Variants in SQOR observed in about 807,000 individuals in gnomAD.
SQOR encodes sulfide quinone oxidoreductase, also known as sulfide:quinone oxidoreductase, mitochondrial.
Under a neutral mutation model 48.6 loss-of-function variants are expected in SQOR, and 39 were observed. The ratio of observed to expected loss-of-function variants is 0.80; its 90% CI spans 0.62 to 1.05. The LOEUF is 1.05. SQOR is among the 50% of genes least tolerant of loss of function. The pLI is 0.00. For missense variants in SQOR, 561 were observed against 559.9 expected (o/e 1.00, Z -0.02); for synonymous variants, 220 against 206.2 (o/e 1.07, Z -0.57).
intron 1 of SQOR, among the ~76,000 whole-genome samples, chr15:45,641,843 A>G (rs1441739066): frequency 1.3e-5 from 2 of 152,196 alleles, no homozygotes; most frequent in African/African-American, 4.8e-5. Flanking sequence ...AAGTGGATAT[A>G]ATGTCATCGT....
chr15:45,658,235 T>C (rs943786625), intron 1 of SQOR, among the ~76,000 whole-genome samples: 8 of 152,172 alleles, frequency 5.3e-5, no homozygotes, highest in Non-Finnish European at 8.8e-5. Context: ...CTTTCTAAAA[T>C]CGTTTGGTTG....
intron 6 of SQOR, among the ~76,000 whole-genome samples, chr15:45,679,090 A>G (rs1321603400): frequency 6.6e-6 from 1 of 152,196 alleles, no homozygotes; most frequent in Non-Finnish European, 1.5e-5. Flanking sequence ...GGTTGTAGGT[A>G]GGGGTGTGGA....
At chr15:45,644,131 A>C (rs1290975137) in intron 1 of SQOR, among the ~76,000 whole-genome samples, 1 of 151,916 alleles carries the variant, frequency 6.6e-6, no homozygotes, top group Non-Finnish European at 1.5e-5. Context: ...TGTTGTGCCC[A>C]GGCTGGAGTG....
chr15:45,659,443 C>T (rs967191656), intron 2 of SQOR, among the ~76,000 whole-genome samples: 13 of 152,180 alleles, frequency 8.5e-5, no homozygotes, highest in African/African-American at 2.9e-4. Flanking sequence ...CTTAAAACAA[C>T]AGACATCTAT....
At chr15:45,667,562 A>G (rs1365485065) in intron 3 of SQOR, among the ~76,000 whole-genome samples, 4 of 152,154 alleles carry the variant, frequency 2.6e-5, no homozygotes, top group African/African-American at 9.7e-5. Context: ...ACTTGAACTC[A>G]TTCAAAAGGC....
At chr15:45,645,090 A>T (rs1279811047) in intron 1 of SQOR, among the ~76,000 whole-genome samples, 1 of 152,202 alleles carries the variant, frequency 6.6e-6, no homozygotes, top group African/African-American at 2.4e-5. Flanking sequence ...TATTGACAGG[A>T]AGGGGAAACA....
intron 1 of SQOR, among the ~76,000 whole-genome samples, chr15:45,641,895 G>A (rs910194075): frequency 3.9e-5 from 6 of 152,106 alleles, no homozygotes; most frequent in East Asian, 1.9e-4. Context: ...GCTGATTGTC[G>A]CAAAAATGTC....
intron 1 of SQOR, among the ~76,000 whole-genome samples, chr15:45,650,760 T>TA (rs1323856752): frequency 2.0e-5 from 3 of 152,174 alleles, no homozygotes; most frequent in African/African-American, 7.2e-5. Context: ...CTGATTGGTG[T>TA]ATTTACAAAC....
chr15:45,676,331 G>A lies in SQOR; in HGVS notation c.864+21G>A, dbSNP rs372765431. On this transcript the variant is annotated intron_variant, in intron 6 of 9. Coordinates refer to ENST00000260324, the MANE Select transcript of SQOR (RefSeq NM_021199.4). ...TTTCAGTGAGTGGTGAGGCTAAGCTGTCAGCATGAAGCGTTGTCTGCTGAA... is the reference window on the plus strand; with the variant it reads ...TTTCAGTGAGTGGTGAGGCTAAGCTATCAGCATGAAGCGTTGTCTGCTGAA... 53 of 1,612,370 alleles carry A rather than the reference G, an allele frequency of 3.3e-5. No homozygotes were observed. The African/African-American group carries it at 6.0e-4, about 18-fold the overall frequency.
At chr15:45,682,707 C>T (rs763125444) in intron 7 of SQOR, 46 bp downstream of exon 7, 1 of 1,596,670 alleles carries the variant, frequency 6.3e-7, no homozygotes, top group East Asian at 2.2e-5. Context: ...AATATGTCAC[C>T]TCAAGGCATG....
chr15:45,677,737 G>A (rs1401575558), intron 6 of SQOR, among the ~76,000 whole-genome samples: 1 of 152,220 alleles, frequency 6.6e-6, no homozygotes, highest in East Asian at 1.9e-4. Flanking sequence ...GTCTCGCTGT[G>A]TTACCCAGGC....
intron 3 of SQOR, among the ~76,000 whole-genome samples, chr15:45,667,023 TC>T (rs1278607548): frequency 1.7e-4 from 1 of 6,026 alleles, no homozygotes; most frequent in Non-Finnish European, 3.1e-4. Context: ...CCTCCCTCCC[TC>T]CCTCCCTTCC....
upstream of SQOR, among the ~76,000 whole-genome samples, chr15:45,633,624 G>A (rs1894938791): frequency 6.6e-6 from 1 of 151,260 alleles, no homozygotes. Context: ...AATCCGGGAG[G>A]TGGACGTTGT....
chr15:45,660,129 T>C (rs1889693169), intron 2 of SQOR, among the ~76,000 whole-genome samples: 1 of 152,228 alleles, frequency 6.6e-6, no homozygotes, highest in Admixed American at 6.5e-5. Context: ...TTCAAGATTT[T>C]TGGTGGTTTG....
intron 7 of SQOR, among the ~76,000 whole-genome samples, chr15:45,683,531 T>C (rs531695598): frequency 6.6e-6 from 1 of 152,350 alleles, no homozygotes; most frequent in South Asian, 2.1e-4. Context: ...TGACAGGAAC[T>C]GTCTTCTCTG....
In SQOR at chr15:45,670,507, T is replaced by G. The variant is rs377611186; in HGVS notation, c.459+526T>G. Among the ~76,000 whole-genome samples the G allele has an allele frequency of 6.1e-4, 93 of 152,334 alleles. 2 individuals are homozygous for G. The highest frequency in any genetic ancestry group is 2.1e-3 in the African/African-American group (87 of 41,572). On this transcript the variant is annotated intron_variant, in intron 4 of 9. Transcript: ENST00000260324. ...CCTCAGATCCCCGTTTTCAGTGAGCTAGGGAGCCAGATGCAATTTGAAAGT... is the reference window on the plus strand; with the variant it reads ...CCTCAGATCCCCGTTTTCAGTGAGCGAGGGAGCCAGATGCAATTTGAAAGT...
At chr15:45,642,028 C>T (rs548644907) in intron 1 of SQOR, among the ~76,000 whole-genome samples, 1 of 152,296 alleles carries the variant, frequency 6.6e-6, no homozygotes, top group Non-Finnish European at 1.5e-5. Context: ...CCTGTTATAA[C>T]AGACAGACTC....
At chr15:45,682,766 G>A in intron 7 of SQOR, 105 bp downstream of exon 7, 5 of 1,348,848 alleles carry the variant, frequency 3.7e-6, no homozygotes, top group Non-Finnish European at 5.1e-6. Context: ...GGTGGTTCCT[G>A]CCTGTAATCC....
intron 4 of SQOR, among the ~76,000 whole-genome samples, chr15:45,672,702 C>T (rs1191453495): frequency 1.3e-5 from 2 of 152,196 alleles, no homozygotes; most frequent in African/African-American, 4.8e-5. Context: ...TTGCACTCTA[C>T]GAGCCTTCTA....
Sources: allele counts gnomAD v4.1 joint callset (sites outside exome capture counted in the v4.1 genomes callset), GRCh38; gene constraint gnomAD v4.1.1; transcripts MANE v1.5; gene names NCBI Gene and HGNC (gene_info 2026-07-23, HGNC 2026-07-21).